The following ADGRB1 variants were observed in gnomAD, a reference collection of about 807,000 sequenced individuals.
ADGRB1 encodes the protein brain-specific angiogenesis inhibitor 1.
A neutral mutation model predicts 175.7 loss-of-function variants in ADGRB1; 36 were observed. That is an observed-to-expected ratio of 0.20 (90% CI 0.16 to 0.27). The LOEUF (loss-of-function observed/expected upper bound fraction) is 0.27, where lower values mean the gene tolerates loss of function less well. ADGRB1 is among the 10% of genes least tolerant of loss of function. The pLI is 1.00. For synonymous variants in ADGRB1, 1,054 were observed against 979.4 expected, an observed-to-expected ratio of 1.08 and a Z score of -1.42; for missense variants, 1,731 against 2,255.3, an observed-to-expected ratio of 0.77 and a Z score of 4.71.
chr8:142,541,171 G>T (rs1845248969), intron 27 of ADGRB1, among the ~76,000 whole-genome samples: 1 of 152,042 alleles, frequency 6.6e-6, no homozygotes, highest in Non-Finnish European at 1.5e-5. Flanking sequence ...GAGAAAGGAG[G>T]GGTGTGGAGG....
rs778287889 is a variant in ADGRB1 at position 142,541,959 on chromosome 8, C to T, written c.3725C>T (p.Ala1242Val). 18 of 1,558,190 alleles carry T rather than the reference C, an allele frequency of 1.2e-5. No individual in the cohort carries two copies. Among genetic ancestry groups the T allele is most frequent in the South Asian group, 3.5e-5 (3 of 85,318 alleles). Residue 1242 changes from alanine (A) to valine (V), a missense_variant, in exon 28 of 31, where the codon GCG (alanine) becomes GTG (valine). Around this residue, in one of 8 missense-constraint regions of ADGRB1, gnomAD observed 301 missense variants for 488.4 expected, o/e 0.62. Coordinates refer to ENST00000517894, the MANE Select transcript of ADGRB1 (RefSeq NM_001702.3). ...ACRSVLNKDI[A>V]ACRTATITGT... is the part of the protein sequence containing the mutation. ...CCTGCAGTGCTGAACAAGGACATCG[C>T]GGCCTGCCGCACTGCCACCATCACG...
At position 142,542,618 on chromosome 8, in the gene ADGRB1, G is replaced by C; in HGVS notation, c.4384G>C (p.Val1462Leu). Reference sequence around the variant, plus strand: ...GGGGCCCAGCACCAAGAACGAGAATGTCGCCACCTTGTCTGTGAGCTCCCT... The same window carrying C: ...GGGGCCCAGCACCAAGAACGAGAATCTCGCCACCTTGTCTGTGAGCTCCCT... ...STGPSTKNEN[V>L]ATLSVSSLER... Residue 1462 changes from valine (V) to leucine (L), a missense_variant, in exon 28 of 31, where the codon GTC (valine) becomes CTC (leucine). Transcript: ENST00000517894. The surrounding 1 kb of genome is among the most constrained non-coding windows in gnomAD (Gnocchi z 6.3). 6.4e-7 allele frequency: 1 copy of C among 1,552,130 alleles called. No individual in the cohort carries two copies. The highest frequency in any genetic ancestry group is 2.5e-5 in the East Asian group (1 of 40,364).
chr8:142,527,929 A>G (rs1010272003), intron 24 of ADGRB1, among the ~76,000 whole-genome samples: 1 of 152,224 alleles, frequency 6.6e-6, no homozygotes, highest in African/African-American at 2.4e-5. Flanking sequence ...GGCACACACT[A>G]GAACTAAGCC....
At chr8:142,515,575 T>C (rs1161459248) in intron 18 of ADGRB1, among the ~76,000 whole-genome samples, 1 of 152,208 alleles carries the variant, frequency 6.6e-6, no homozygotes, top group African/African-American at 2.4e-5. Flanking sequence ...CCTGTGACCT[T>C]TGTGGCCAGC....
Position 142,537,635 on chromosome 8 carries a change from C to T in ADGRB1, c.3666+553C>T, listed in dbSNP as rs1157713709. On this transcript the variant is annotated intron_variant, in intron 26 of 30. Transcript: ENST00000517894. This position sits in a 1 kb window ranked among gnomAD's most constrained non-coding sequence, Gnocchi z 4.6. ...CCATCCTGCCTTCACCCTCTCTGGG[C>T]TCTCTGCCCTCCCCCTGCCCATCCT... Among the ~76,000 whole-genome samples, 1 of 152,094 alleles carries T rather than the reference C, an allele frequency of 6.6e-6. No homozygotes were observed. Among genetic ancestry groups the T allele is most frequent in the African/African-American group, 2.4e-5 (1 of 41,418 alleles).
intron 24 of ADGRB1, 78 bp from the exon 25 acceptor site, chr8:142,533,217 C>T (rs1844726237): frequency 2.9e-6 from 4 of 1,382,064 alleles, no homozygotes; most frequent in Non-Finnish European, 3.8e-6. Context: ...CCACCGAGGC[C>T]TGGAGATGCA....
chr8:142,521,433 T>C (rs7839199), intron 20 of ADGRB1, among the ~76,000 whole-genome samples: 140,883 of 152,294 alleles, frequency 0.93, 65,671 homozygotes, highest in Non-Finnish European at 0.98. Context: ...ATGTGGCAGG[T>C]GCAGCCTTTG....
intron 18 of ADGRB1, among the ~76,000 whole-genome samples, chr8:142,515,969 G>A (rs1024917143): frequency 3.9e-5 from 6 of 152,250 alleles, no homozygotes; most frequent in Non-Finnish European, 2.9e-5. Flanking sequence ...CGAGGGGCCT[G>A]TGTGGAGGCA....
Position 142,510,712 on chromosome 8 carries a change from TCGGCGG to T in ADGRB1, c.2676-207_2676-202del, listed in dbSNP as rs938209564. Among the ~76,000 whole-genome samples the T allele has an allele frequency of 1.4e-5, 2 of 142,088 alleles. No homozygotes were observed. Among genetic ancestry groups the T allele is most frequent in the East Asian group, 2.1e-4 (1 of 4,696 alleles). The allele number at this position is 142,088 out of a possible 152,430, so 93.2% of individuals were successfully genotyped here. ...TCCCTCGGGCTGCGCTCCGCGGCTCTCGGCGGCGGCGGCGGCGGGCGCAGAGCGCGG... is the reference window on the plus strand; with the variant it reads ...TCCCTCGGGCTGCGCTCCGCGGCTCTCGGCGGCGGCGGGCGCAGAGCGCGG... On this transcript the variant is annotated intron_variant, in intron 17 of 30. Coordinates refer to ENST00000517894, the MANE Select transcript of ADGRB1 (RefSeq NM_001702.3). The surrounding 1 kb of genome is among the most constrained non-coding windows in gnomAD (Gnocchi z 6.3).
At position 142,537,165 on chromosome 8, in the gene ADGRB1, A is replaced by G. The variant is rs1844982137; in HGVS notation, c.3666+83A>G. 3 of 1,130,566 alleles carry G rather than the reference A, an allele frequency of 2.7e-6. No homozygotes were observed. The highest frequency in any genetic ancestry group is 3.6e-6 in the Non-Finnish European group (3 of 842,930). 70.0% of individuals were successfully genotyped at this position (1,130,566 alleles called of 1,614,324 possible). ...TGCCTCCAGGCCCTCACCGTGCCCCAAGCTCCCCTAGGCCCCAGCAACCCT... is the reference window on the plus strand; with the variant it reads ...TGCCTCCAGGCCCTCACCGTGCCCCGAGCTCCCCTAGGCCCCAGCAACCCT... On this transcript the variant is annotated intron_variant, in intron 26 of 30. Coordinates refer to ENST00000517894, the MANE Select transcript of ADGRB1 (RefSeq NM_001702.3). The surrounding 1 kb of genome is among the most constrained non-coding windows in gnomAD (Gnocchi z 4.6).
chr8:142,475,422 A>G (rs916086169), intron 2 of ADGRB1, 52 bp from the exon 3 acceptor site: 64 of 1,254,510 alleles, frequency 5.1e-5, no homozygotes, highest in Non-Finnish European at 6.0e-5. Flanking sequence ...TTACCCGTCC[A>G]GGCCACGAGC....
chr8:142,542,475 C>T lies in ADGRB1; in HGVS notation c.4241C>T (p.Pro1414Leu). Reference protein sequence around the residue: ...PEAPPAQPPPPPPPPPPPPQQ... With the variant: ...PEAPPAQPPPLPPPPPPPPQQ... ...GCACCCCCTGCCCAGCCCCCACCGCCTCCGCCCCCACCGCCACCACCTCCC... is the reference window on the plus strand; with the variant it reads ...GCACCCCCTGCCCAGCCCCCACCGCTTCCGCCCCCACCGCCACCACCTCCC... Residue 1414 changes from proline to leucine, a missense_variant, in exon 28 of 31, where the codon CCT becomes CTT. By Grantham distance (98) the Pro-to-Leu change is moderately conservative. Transcript: ENST00000517894. The surrounding 1 kb of genome is among the most constrained non-coding windows in gnomAD (Gnocchi z 6.3). 1 of 1,299,658 alleles carries T rather than the reference C, an allele frequency of 7.7e-7. No homozygotes were observed. Among genetic ancestry groups the T allele is most frequent in the Non-Finnish European group, 1.0e-6 (1 of 993,430 alleles). The allele number at this position is 1,299,658 out of a possible 1,614,324, so 80.5% of individuals were successfully genotyped here.
At chr8:142,476,723 G>C in intron 4 of ADGRB1, 28 bp downstream of exon 4, 1 of 1,521,514 alleles carries the variant, frequency 6.6e-7, no homozygotes. Context: ...GGGTGGGTGG[G>C]ACTAGGGCTT....
At chr8:142,453,532 A>G (rs1839485461) in intron 1 of ADGRB1, among the ~76,000 whole-genome samples, 1 of 152,174 alleles carries the variant, frequency 6.6e-6, no homozygotes, top group African/African-American at 2.4e-5. Context: ...CAGCTGCGCC[A>G]TCGGCAGAGC....
At chr8:142,468,379 G>C (rs184623910) in intron 2 of ADGRB1, among the ~76,000 whole-genome samples, 1 of 152,304 alleles carries the variant, frequency 6.6e-6, no homozygotes. Context: ...AAGACGGCTA[G>C]AGGGCATATT....
chr8:142,476,616 C>T lies in ADGRB1; in HGVS notation c.978C>T (p.Ser326=). Residue 326 remains serine, a synonymous_variant, in exon 4 of 31, where the codon TCC becomes TCT. Coordinates refer to ENST00000517894, the MANE Select transcript of ADGRB1 (RefSeq NM_001702.3). The part of the protein sequence containing the change: ...PAGRTSSRSQ[S]LRSTDARRRE... ...GGCGCACCAGCTCCCGGAGCCAGTC[C>T]CTGCGGTCCACAGATGCCCGGCGGC... The T allele has an allele frequency of 3.9e-6, 6 of 1,548,854 alleles. No homozygotes were observed. The highest frequency in any genetic ancestry group is 5.2e-6 in the Non-Finnish European group (6 of 1,146,430).
intron 16 of ADGRB1, 67 bp downstream of exon 16, chr8:142,489,505 C>T: frequency 1.3e-6 from 2 of 1,523,258 alleles, no homozygotes; most frequent in South Asian, 2.3e-5. Context: ...CTGTCCCACT[C>T]CTCAGCCACT....
Position 142,490,780 on chromosome 8 carries a change from C to T in ADGRB1, c.2640C>T (p.Thr880=). The change falls in exon 17 of 31, where the codon ACC becomes ACT. Residue 880 remains threonine, a synonymous_variant. Coordinates refer to ENST00000517894, the MANE Select transcript of ADGRB1 (RefSeq NM_001702.3). ...IEFAHMYNGT[T]NQTCILWDET... is the part of the protein sequence containing the mutation. ...TCTCCCCTCTCTCCCAGGGCACCACCAACCAGACCTGTATCCTGTGGGATG... is the reference window on the plus strand; with the variant it reads ...TCTCCCCTCTCTCCCAGGGCACCACTAACCAGACCTGTATCCTGTGGGATG... The T allele has an allele frequency of 6.3e-7, 1 of 1,582,414 alleles. No homozygotes were observed. Among genetic ancestry groups the T allele is most frequent in the Admixed American group, 1.8e-5 (1 of 55,628 alleles).
chr8:142,543,839 C>A lies in ADGRB1; in HGVS notation c.4557+131C>A. On this transcript the variant is annotated intron_variant, in intron 30 of 30. Transcript: ENST00000517894. The surrounding 1 kb of genome is among the most constrained non-coding windows in gnomAD (Gnocchi z 4.4). ...CCATTCGTTCATTCATTCATTCATT[C>A]GCCCATCCCTGAGGGCTGGCCTGAC... is the stretch of plus-strand genomic sequence containing the variant. 2 of 982,182 alleles carry A rather than the reference C, an allele frequency of 2.0e-6. No individual in the cohort carries two copies. Among genetic ancestry groups the A allele is most frequent in the South Asian group, 1.5e-5 (1 of 64,788 alleles). The allele number at this position is 982,182 out of a possible 1,614,324, so 60.8% of individuals were successfully genotyped here. A position where few individuals can be genotyped will look rare whatever the true frequency, so the allele number is the denominator to read the frequency against.
Sources: gnomAD v4.1 joint callset for allele counts (sites outside exome capture counted in the v4.1 genomes callset) on GRCh38, gnomAD v4.1.1 for gene constraint, gnomAD v4.1.1 regional missense constraint, Gnocchi (gnomAD v3.1) non-coding constraint, MANE v1.5 for transcripts, NCBI Gene and HGNC (gene_info 2026-07-23, HGNC 2026-07-21) for gene names.